NXPE4: variants seen among roughly 807,000 people sequenced by gnomAD.
NXPE4 encodes the protein NXPE family member 4.
In NXPE4, 42 loss-of-function variants were observed where a neutral mutation model predicts 33.3. That is an observed-to-expected ratio of 1.26 (90% CI 0.98 to 1.63). NXPE4 has a LOEUF of 1.63. Ranked by LOEUF, NXPE4 falls within the 40% of genes most tolerant of loss-of-function variation. The pLI is 0.00. For missense variants in NXPE4, 709 were observed against 647.6 expected (o/e 1.09, Z -1.03); for synonymous variants, 253 against 234.9 (o/e 1.08, Z -0.71).
At chr11:114,577,341 C>T (rs574212344) in intron 5 of NXPE4, among the ~76,000 whole-genome samples, 1 of 151,752 alleles carries the variant, frequency 6.6e-6, no homozygotes, top group African/African-American at 2.4e-5. Context: ...TATGTGGGAA[C>T]TAAGCTATGA....
chr11:114,647,705 A>ATT, the NXPE4 span, among the ~76,000 whole-genome samples: 53 of 147,524 alleles, frequency 3.6e-4, no homozygotes, highest in Admixed American at 1.1e-3. Context: ...ATTTTATTTT[A>ATT]TTTTTTTTTT....
chr11:114,652,525 G>A, the NXPE4 span, among the ~76,000 whole-genome samples: 1 of 152,186 alleles, frequency 6.6e-6, no homozygotes, highest in South Asian at 2.1e-4. Context: ...TCATCTCTAA[G>A]GGCTGTTTTG....
At chr11:114,621,026 GT>G in the NXPE4 span, among the ~76,000 whole-genome samples, 55 of 152,266 alleles carry the variant, frequency 3.6e-4, no homozygotes, top group African/African-American at 1.2e-3. Flanking sequence ...GTTGACCACT[GT>G]TACGCAGTGC....
the NXPE4 span, among the ~76,000 whole-genome samples, chr11:114,642,987 T>C: frequency 5.3e-5 from 8 of 152,170 alleles, no homozygotes; most frequent in Non-Finnish European, 7.4e-5. Flanking sequence ...TTTTGTGGTT[T>C]TGATTTGCAT....
the NXPE4 span, among the ~76,000 whole-genome samples, chr11:114,663,594 T>TATCC: frequency 3.2e-5 from 3 of 94,960 alleles, no homozygotes; most frequent in African/African-American, 1.1e-4. Context: ...ATCATCTATC[T>TATCC]ATCTATCTAT....
chr11:114,580,329 A>T lies in NXPE4; in HGVS notation c.902T>A (p.Val301Asp). 1 of 1,613,812 alleles carries T rather than the reference A, an allele frequency of 6.2e-7. No individual in the cohort carries two copies. Among genetic ancestry groups the T allele is most frequent in the Non-Finnish European group, 8.5e-7 (1 of 1,179,840 alleles). Residue 301 changes from valine to aspartate, a missense_variant, in exon 5 of 6, where the codon GTT becomes GAT. Val to Asp is a radical substitution (Grantham distance 152, BLOSUM62 -3). Transcript: ENST00000375478. ...AAACTTGCATTTCTCTTTCATTGCA[A>T]CTGTTTCTTCTGCCAAAGAATCAAT... ...ISVSKCNKET[V>D]AMKEKCKFGM...
Position 114,595,685 on chromosome 11 carries a change from T to A in NXPE4, c.-104A>T, listed in dbSNP as rs111600448. ...TGAAGCCACCAGTGTGCTACTGGCA[T>A]ACCTCTTGTCTATACCAAAATAAAT... On this transcript the variant is annotated 5_prime_UTR_variant, in exon 1 of 6. It removes an upstream start codon present in the reference 5' UTR. Transcript: ENST00000375478. The A allele has an allele frequency of 2.6e-5, 4 of 152,488 alleles. No individual in the cohort carries two copies. The highest frequency in any genetic ancestry group is 9.6e-5 in the African/African-American group (4 of 41,586). 9.4% of individuals were successfully genotyped at this position (152,488 alleles called of 1,614,324 possible).
At chr11:114,637,185 T>A in the NXPE4 span, among the ~76,000 whole-genome samples, 5 of 152,072 alleles carry the variant, frequency 3.3e-5, no homozygotes, top group Admixed American at 6.6e-5. Flanking sequence ...AGTTAGCTCT[T>A]CTTGTTGAGT....
chr11:114,603,749 A>T, the NXPE4 span, among the ~76,000 whole-genome samples: 4 of 151,510 alleles, frequency 2.6e-5, no homozygotes, highest in Non-Finnish European at 4.4e-5. Flanking sequence ...GTGGATGATA[A>T]GTATTTCCTC....
At chr11:114,675,879 T>C in the NXPE4 span, among the ~76,000 whole-genome samples, 4 of 151,876 alleles carry the variant, frequency 2.6e-5, no homozygotes, top group Admixed American at 6.6e-5. Context: ...CAAAACAGCA[T>C]GGTATGGGCA....
the NXPE4 span, among the ~76,000 whole-genome samples, chr11:114,612,841 T>C: frequency 4.6e-5 from 7 of 151,866 alleles, no homozygotes; most frequent in African/African-American, 1.5e-4. Context: ...ATAGTAAGTA[T>C]TGCCTTGTGG....
At chr11:114,614,290 C>T in the NXPE4 span, among the ~76,000 whole-genome samples, 10 of 151,100 alleles carry the variant, frequency 6.6e-5, no homozygotes, top group African/African-American at 1.2e-4. Flanking sequence ...CCCTGTTACC[C>T]GGTGGATAGT....
At chr11:114,610,656 C>G in the NXPE4 span, among the ~76,000 whole-genome samples, 1 of 151,724 alleles carries the variant, frequency 6.6e-6, no homozygotes, top group Non-Finnish European at 1.5e-5. Context: ...CACTGTTAAC[C>G]GGTGGATAAT....
intron 4 of NXPE4, among the ~76,000 whole-genome samples, chr11:114,580,866 G>A (rs1436701195): frequency 6.6e-6 from 1 of 152,164 alleles, no homozygotes; most frequent in Non-Finnish European, 1.5e-5. Flanking sequence ...TCCAAGATGG[G>A]CCAAAGATGA....
the NXPE4 span, among the ~76,000 whole-genome samples, chr11:114,668,996 A>AGAGTG: frequency 1.3e-5 from 2 of 152,118 alleles, no homozygotes; most frequent in African/African-American, 2.4e-5. Context: ...CCAGCTCTAT[A>AGAGTG]GAGTGGTAGC....
At position 114,580,318 on chromosome 11, in the gene NXPE4, C is replaced by G; in HGVS notation, c.913G>C (p.Glu305Gln). The change falls in exon 5 of 6, where the codon GAG (glutamate) becomes CAG (glutamine). Residue 305 changes from glutamate to glutamine, a missense_variant. By Grantham distance (29) the Glu-to-Gln change is conservative (BLOSUM62 2). Coordinates refer to ENST00000375478, the MANE Select transcript of NXPE4 (RefSeq NM_001077639.2). ...KCNKETVAMK[E>Q]KCKFGMTSTI... is the part of the protein sequence containing the mutation. Reference sequence around the variant, plus strand: ...GATGTCATTCCAAACTTGCATTTCTCTTTCATTGCAACTGTTTCTTCTGCC... The same window carrying G: ...GATGTCATTCCAAACTTGCATTTCTGTTTCATTGCAACTGTTTCTTCTGCC... The G allele has an allele frequency of 6.2e-7, 1 of 1,613,938 alleles. No individual in the cohort carries two copies.
At chr11:114,654,095 G>A in the NXPE4 span, among the ~76,000 whole-genome samples, 1 of 152,162 alleles carries the variant, frequency 6.6e-6, no homozygotes, top group East Asian at 1.9e-4. Flanking sequence ...CAAAGAAGCA[G>A]GAGATGAAGT....
chr11:114,592,703 G>A (rs1420985493), intron 2 of NXPE4, among the ~76,000 whole-genome samples: 4 of 152,042 alleles, frequency 2.6e-5, no homozygotes, highest in Non-Finnish European at 4.4e-5. Context: ...AGGAAACAAA[G>A]AAGATCCAGA....
the NXPE4 span, among the ~76,000 whole-genome samples, chr11:114,628,165 T>A: frequency 7.0e-6 from 1 of 143,856 alleles, no homozygotes; most frequent in Non-Finnish European, 1.5e-5. Context: ...CTGCACCAAG[T>A]GGACCTAATA....
Sources: gnomAD v4.1 joint callset for allele counts (sites outside exome capture counted in the v4.1 genomes callset) on GRCh38, gnomAD v4.1.1 for gene constraint, MANE v1.5 for transcripts, NCBI Gene and HGNC (gene_info 2026-07-23, HGNC 2026-07-21) for gene names.